The following TMEM63A variants were observed in gnomAD, a reference collection of about 807,000 sequenced individuals.
TMEM63A encodes mechanosensitive cation channel TMEM63A.
TMEM63A carries 76 observed loss-of-function variants against 100.6 expected under a neutral mutation model. The ratio of observed to expected loss-of-function variants is 0.76; its 90% CI spans 0.63 to 0.91. The LOEUF is 0.91. TMEM63A is among the 40% of genes least tolerant of loss of function. The pLI is 0.00. For synonymous variants in TMEM63A, 401 were observed against 401.1 expected (o/e 1.00, Z 0.00); for missense variants, 876 against 1,008.8 (o/e 0.87, Z 1.78).
In TMEM63A at chr1:225,874,210, A is replaced by T. The variant is rs1377917856; in HGVS notation, c.266+78T>A. On this transcript the variant is annotated intron_variant, in intron 4 of 24. Coordinates refer to ENST00000366835, the MANE Select transcript of TMEM63A (RefSeq NM_014698.3). ...TATACACACATATATGCACACACGCACATATACACACTCACGCACATATAC... is the reference window on the plus strand; with the variant it reads ...TATACACACATATATGCACACACGCTCATATACACACTCACGCACATATAC... 7.3e-6 allele frequency: 10 copies of T among 1,366,894 alleles called. No individual in the cohort carries two copies. In the African/African-American group the frequency reaches 1.3e-4, roughly 18 times the overall value. 84.7% of individuals were successfully genotyped at this position (1,366,894 alleles called of 1,614,324 possible).
intron 14 of TMEM63A, chr1:225,859,624 C>A (rs1669831835): frequency 2.4e-6 from 1 of 420,698 alleles, no homozygotes; most frequent in Non-Finnish European, 4.2e-6. Flanking sequence ...AAGGCTCCAG[C>A]ATGGCATTTA....
In TMEM63A at chr1:225,862,215, C is replaced by T. The variant is rs568731459; in HGVS notation, c.1085+3G>A. 2.5e-6 allele frequency: 4 copies of T among 1,613,770 alleles called. No individual in the cohort carries two copies. In the East Asian group the frequency reaches 6.7e-5, roughly 27 times the overall value. On this transcript the variant is annotated splice_donor_region_variant and intron_variant, in intron 13 of 24. Coordinates refer to ENST00000366835, the MANE Select transcript of TMEM63A (RefSeq NM_014698.3). This position sits in a 1 kb window ranked among gnomAD's most constrained non-coding sequence, Gnocchi z 5.1. ...GAAGGGGTCTGGATGTGCCTACACT[C>T]ACTAGGTGGCCATGGACTTCTCCTG...
At chr1:225,842,221 C>T, downstream of TMEM63A, 1 of 711,234 alleles carries the variant, frequency 1.4e-6, no homozygotes, top group African/African-American at 1.7e-5. Flanking sequence ...ATGTGAGCAC[C>T]CAGGAGTTAA....
At chr1:225,841,970 TCC>T (rs1668466806), downstream of TMEM63A, among the ~76,000 whole-genome samples, 1 of 152,188 alleles carries the variant, frequency 6.6e-6, no homozygotes, top group East Asian at 1.9e-4. Flanking sequence ...TTGTAACTGA[TCC>T]CCTATTTTAG....
Position 225,859,265 on chromosome 1 carries a change from CAGGAAAAA to C in TMEM63A, c.1300_1307del (p.Phe434AspfsTer14), listed in dbSNP as rs1559040744. The C allele has an allele frequency of 1.2e-6, 2 of 1,613,942 alleles. No individual in the cohort carries two copies. Among genetic ancestry groups the C allele is most frequent in the Non-Finnish European group, 1.7e-6 (2 of 1,180,018 alleles). ...TGGACAGGATGATGGAGGGTGTGGT[CAGGAAAAA>C]TAGCCCCAGGAAGAGGGTGAAGTTG... On this transcript the variant is annotated frameshift_variant, in exon 15 of 25. Coordinates refer to ENST00000366835, the MANE Select transcript of TMEM63A (RefSeq NM_014698.3). LOFTEE classifies it high-confidence loss of function.
At chr1:225,852,161 T>C (rs1487793537) in intron 20 of TMEM63A, among the ~76,000 whole-genome samples, 2 of 152,226 alleles carry the variant, frequency 1.3e-5, no homozygotes, top group Non-Finnish European at 1.5e-5. Flanking sequence ...AGAGAGGTCC[T>C]AGCTGAGGGC....
intron 1 of TMEM63A, among the ~76,000 whole-genome samples, chr1:225,880,053 G>A (rs1671013371): frequency 6.6e-6 from 1 of 152,154 alleles, no homozygotes; most frequent in Non-Finnish European, 1.5e-5. Flanking sequence ...TCCAGCCCCA[G>A]TCATGCCTCT....
chr1:225,861,150 G>A, intron 13 of TMEM63A, 153 bp from the exon 14 acceptor site: 1 of 779,484 alleles, frequency 1.3e-6, no homozygotes, highest in Non-Finnish European at 1.9e-6. Flanking sequence ...TGTAAGAGGT[G>A]CCACGCTAGC....
At chr1:225,876,055 C>A (rs1235486956) in intron 3 of TMEM63A, among the ~76,000 whole-genome samples, 1 of 99,216 alleles carries the variant, frequency 1.0e-5, no homozygotes, top group Admixed American at 1.6e-4. Flanking sequence ...GACAGTGAGA[C>A]CTTGTCTCAA....
At chr1:225,844,356 C>T (rs915122125), downstream of TMEM63A, 103 of 1,321,716 alleles carry the variant, frequency 7.8e-5, 1 homozygote, top group Middle Eastern at 5.4e-4. Flanking sequence ...GCCTGTGACA[C>T]GAGGATACCA....
chr1:225,868,635 G>A (rs374251241), intron 6 of TMEM63A, among the ~76,000 whole-genome samples: 5 of 151,322 alleles, frequency 3.3e-5, no homozygotes, highest in Non-Finnish European at 2.9e-5. Context: ...GCAGTGAGTC[G>A]AGATCCCACT....
At position 225,846,171 on chromosome 1, in the gene TMEM63A, A is replaced by C. The variant is rs148952946; in HGVS notation, c.*768T>G. 61 of 153,190 alleles carry C rather than the reference A, an allele frequency of 4.0e-4. No individual in the cohort carries two copies. Among genetic ancestry groups the C allele is most frequent in the Non-Finnish European group, 6.1e-4 (42 of 68,774 alleles). 9.5% of individuals were successfully genotyped at this position (153,190 alleles called of 1,614,324 possible). ...ACCATGCTGTCCTTTGGCTCCGAGG[A>C]GGCCCTGAGCACTGCCCACCCCCAC... On this transcript the variant is annotated 3_prime_UTR_variant, in exon 25 of 25. Coordinates refer to ENST00000366835, the MANE Select transcript of TMEM63A (RefSeq NM_014698.3).
chr1:225,850,534 T>C (rs750720364), intron 20 of TMEM63A, among the ~76,000 whole-genome samples: 20 of 152,276 alleles, frequency 1.3e-4, no homozygotes, highest in Non-Finnish European at 1.9e-4. Flanking sequence ...TGGTGCATGA[T>C]TGCTCGCTAT....
chr1:225,844,594 A>T (rs747678323), downstream of TMEM63A: 19 of 1,614,014 alleles, frequency 1.2e-5, no homozygotes, highest in Non-Finnish European at 1.5e-5. Flanking sequence ...AGAACCTGGG[A>T]CAGGGCTGGA....
chr1:225,857,650 T>C (rs1312760351), intron 15 of TMEM63A, among the ~76,000 whole-genome samples: 1 of 151,286 alleles, frequency 6.6e-6, no homozygotes, highest in Non-Finnish European at 1.5e-5. Flanking sequence ...AAATTAACGA[T>C]AAAAGATCAA....
intron 15 of TMEM63A, 36 bp from the exon 16 acceptor site, chr1:225,857,053 G>A: frequency 6.5e-7 from 1 of 1,526,754 alleles, no homozygotes; most frequent in Admixed American, 2.4e-5. Context: ...GAGTCACAGG[G>A]GCCGTGGGCC....
At position 225,865,796 on chromosome 1, in the gene TMEM63A, G is replaced by C; in HGVS notation, c.746+101C>G. On this transcript the variant is annotated intron_variant, in intron 10 of 24. Transcript: ENST00000366835. This position sits in a 1 kb window ranked among gnomAD's most constrained non-coding sequence, Gnocchi z 4.6. ...TCAGATCTCACCTGGATACCCAAGC[G>C]AGAGACAGAAGGCGCTCACCTAAGG... The C allele has an allele frequency of 8.2e-7, 1 of 1,222,220 alleles. No homozygotes were observed. The highest frequency in any genetic ancestry group is 1.2e-6 in the Non-Finnish European group (1 of 852,706). The allele number at this position is 1,222,220 out of a possible 1,614,324, so 75.7% of individuals were successfully genotyped here.
chr1:225,866,140 C>T (rs1451283792), intron 9 of TMEM63A, 173 bp from the exon 10 acceptor site: 2 of 644,350 alleles, frequency 3.1e-6, no homozygotes, highest in African/African-American at 3.6e-5. Context: ...TACACAGCGT[C>T]TTCTTCCAGG....
intron 21 of TMEM63A, among the ~76,000 whole-genome samples, chr1:225,849,685 C>T (rs1485594233): frequency 6.6e-6 from 1 of 152,218 alleles, no homozygotes; most frequent in Non-Finnish European, 1.5e-5. Context: ...TTTGATTGGA[C>T]ACCTAACCAG....
Sources: gnomAD v4.1 joint callset for allele counts (sites outside exome capture counted in the v4.1 genomes callset) on GRCh38, gnomAD v4.1.1 for gene constraint, Gnocchi (gnomAD v3.1) non-coding constraint, MANE v1.5 for transcripts, NCBI Gene and HGNC (gene_info 2026-07-23, HGNC 2026-07-21) for gene names.